Variants in NBPF9 observed in about 807,000 individuals in gnomAD.
NBPF9 encodes the protein NBPF member 9.
NBPF9 carries 91 observed loss-of-function variants against 97.8 expected under a neutral mutation model. That is an observed-to-expected ratio of 0.93 (90% CI 0.79 to 1.11). NBPF9 has a LOEUF of 1.11. NBPF9 is among the 50% of genes least tolerant of loss of function. NBPF9 has a pLI of 0.00. For missense variants in NBPF9, 992 were observed against 939.5 expected, an observed-to-expected ratio of 1.06 and a Z score of -0.73; for synonymous variants, 334 against 359.5, an observed-to-expected ratio of 0.93 and a Z score of 0.80.
chr1:149,074,203 A>C (rs1345118708), intron 12 of NBPF9, among the ~76,000 whole-genome samples: 1 of 151,426 alleles, frequency 6.6e-6, no homozygotes, highest in African/African-American at 2.4e-5. Flanking sequence ...CTCTCCTCTA[A>C]AACACTGCAC....
At chr1:149,055,513 T>A (rs2078146034) in exon 30 of NBPF9, 1 of 1,535,400 alleles carries the variant, frequency 6.5e-7, no homozygotes. Context: ...GCCACTGGCA[T>A]GGTTTGAGAA....
chr1:149,058,319 G>T (rs1481456680), intron 26 of NBPF9, 104 bp from the exon 27 acceptor site: 10 of 450,664 alleles, frequency 2.2e-5, no homozygotes, highest in South Asian at 2.0e-4. Flanking sequence ...TCCTCAGCAT[G>T]AGAACAGGAC....
In NBPF9 at chr1:149,072,595, C is replaced by A. The variant is rs1350041596; in HGVS notation, c.1306+123G>T. ...CTTACCCAAGAAGTCCTTGTCATGT[C>A]ATGGCCACATAAGCTTAGTGGAAAA... On this transcript the variant is annotated intron_variant, in intron 14 of 29. Coordinates refer to ENST00000584027, the Ensembl canonical transcript of NBPF9. 9.8e-6 allele frequency: 14 copies of A among 1,435,330 alleles called. No homozygotes were observed. The African/African-American group carries it at 1.8e-4, about 19-fold the overall frequency. The allele number at this position is 1,435,330 out of a possible 1,614,324, so 88.9% of individuals were successfully genotyped here. A position where few individuals can be genotyped will look rare whatever the true frequency, so the allele number is the denominator to read the frequency against.
At chr1:149,089,363 T>C (rs1288425491) in intron 5 of NBPF9, among the ~76,000 whole-genome samples, 5 of 151,704 alleles carry the variant, frequency 3.3e-5, no homozygotes, top group African/African-American at 9.7e-5. Flanking sequence ...ACTGAAGTAA[T>C]AGACAGATGC....
At chr1:149,100,767 C>A (rs1354037082) in intron 3 of NBPF9, among the ~76,000 whole-genome samples, 1 of 152,052 alleles carries the variant, frequency 6.6e-6, no homozygotes, top group East Asian at 1.9e-4. Flanking sequence ...ATCCCCATCT[C>A]TACAAAAAGT....
At chr1:149,063,993 G>GACAC (rs67607610) in intron 19 of NBPF9, among the ~76,000 whole-genome samples, 188 bp from the exon 20 acceptor site, 6,181 of 98,442 alleles carry the variant, frequency 0.063, 235 homozygotes, top group African/African-American at 0.12. Context: ...GAAAGAGAAA[G>GACAC]ACACACACAC....
intron 24 of NBPF9, 90 bp downstream of exon 24, chr1:149,060,433 T>C: frequency 2.8e-6 from 1 of 353,994 alleles, no homozygotes; most frequent in East Asian, 3.6e-5. Context: ...ATGACATCTC[T>C]CAGCTCAGTA....
chr1:149,058,792 A>C (rs2078406908), intron 26 of NBPF9, 133 bp downstream of exon 26: 1 of 676,214 alleles, frequency 1.5e-6, no homozygotes, highest in African/African-American at 1.9e-5. Context: ...TTTCATTACA[A>C]CCTATATGCG....
At chr1:149,055,455 C>T (rs587608022) in exon 30 of NBPF9, 87 of 875,362 alleles carry the variant, frequency 9.9e-5, no homozygotes, top group South Asian at 5.8e-4. Flanking sequence ...GTTATGTGAA[C>T]GTGTCACACC....
chr1:149,055,755 C>G (rs1422819570), exon 30 of NBPF9: 1 of 1,611,780 alleles, frequency 6.2e-7, no homozygotes, highest in South Asian at 1.1e-5. Flanking sequence ...AGCTGATGTG[C>G]TGTTCCTCAA....
chr1:149,062,374 A>T, intron 21 of NBPF9, 109 bp from the exon 22 acceptor site: 1 of 659,704 alleles, frequency 1.5e-6, no homozygotes, highest in Non-Finnish European at 2.8e-6. Flanking sequence ...GAAAAAGGAC[A>T]GATCCATTAA....
intron 5 of NBPF9, among the ~76,000 whole-genome samples, chr1:149,086,556 T>TA (rs2081018767): frequency 6.6e-6 from 1 of 152,086 alleles, no homozygotes; most frequent in Non-Finnish European, 1.5e-5. Flanking sequence ...TAGACCCATT[T>TA]AGATTAACTG....
intron 5 of NBPF9, among the ~76,000 whole-genome samples, chr1:149,084,371 GTATA>G (rs1349028720): frequency 5.5e-4 from 80 of 146,220 alleles, no homozygotes; most frequent in African/African-American, 2.0e-3. Flanking sequence ...ACATACGTGT[GTATA>G]TATAATACGT....
At chr1:149,097,612 G>A (rs1307762177) in intron 4 of NBPF9, among the ~76,000 whole-genome samples, 1 of 152,120 alleles carries the variant, frequency 6.6e-6, no homozygotes, top group Admixed American at 6.6e-5. Context: ...CACTCCCCCA[G>A]GACCTGGTGG....
At chr1:149,063,545 C>T in intron 20 of NBPF9, 88 bp downstream of exon 20, 2 of 700,116 alleles carry the variant, frequency 2.9e-6, no homozygotes, top group African/African-American at 1.9e-5. Context: ...TGACATCTCT[C>T]AGCTCAGTAA....
At position 149,077,797 on chromosome 1, in the gene NBPF9, C is replaced by A. The variant is rs1207735380; in HGVS notation, c.566+86G>T. 1.1e-5 allele frequency: 17 copies of A among 1,573,366 alleles called. No homozygotes were observed. The African/African-American group carries it at 2.0e-4, about 19-fold the overall frequency. On this transcript the variant is annotated intron_variant, in intron 10 of 29. Coordinates refer to ENST00000584027, the Ensembl canonical transcript of NBPF9. ...TGGCCAAGGGGATGCGGGCTTTTGG[C>A]CCACCATAGATGCCAGAGAGGGTGT...
At chr1:149,077,080 T>C (rs2079940894) in intron 11 of NBPF9, 128 bp downstream of exon 11, 1 of 644,204 alleles carries the variant, frequency 1.6e-6, no homozygotes, top group Non-Finnish European at 2.7e-6. Context: ...TATGTGTGAG[T>C]CACAGCACCT....
chr1:149,079,695 C>T (rs1437896006), intron 8 of NBPF9, among the ~76,000 whole-genome samples: 24 of 151,352 alleles, frequency 1.6e-4, no homozygotes, highest in Non-Finnish European at 2.8e-4. Context: ...AATGAGAAGC[C>T]GCAGTCAGTC....
chr1:149,081,274 G>C (rs1384195778), intron 7 of NBPF9, among the ~76,000 whole-genome samples: 1 of 151,996 alleles, frequency 6.6e-6, no homozygotes, highest in Non-Finnish European at 1.5e-5. Context: ...TGCCCTCCAC[G>C]ACGCCCATCT....
Sources: gnomAD v4.1 joint callset for allele counts (sites outside exome capture counted in the v4.1 genomes callset) on GRCh38, gnomAD v4.1.1 for gene constraint, MANE v1.5 for transcripts, NCBI Gene and HGNC (gene_info 2026-07-23, HGNC 2026-07-21) for gene names.